Variants in CADM2 observed in about 807,000 individuals in gnomAD.
CADM2 encodes immunoglobulin superfamily member 4D.
In CADM2, 12 loss-of-function variants were observed where a neutral mutation model predicts 49.8. The observed-to-expected ratio is 0.24, with a 90% CI of 0.15 to 0.39. CADM2 has a LOEUF of 0.39. Ranked by LOEUF, CADM2 falls within the 10% of genes least tolerant of loss-of-function variation. The pLI is 1.00. For synonymous variants in CADM2, 214 were observed against 175.4 expected, an observed-to-expected ratio of 1.22 and a Z score of -1.74; for missense variants, 378 against 492.3, an observed-to-expected ratio of 0.77 and a Z score of 2.20.
intron 8 of CADM2, among the ~76,000 whole-genome samples, chr3:86,034,266 C>CT (rs1734902217): frequency 1.3e-5 from 2 of 151,770 alleles, no homozygotes; most frequent in Admixed American, 1.3e-4. Context: ...ATTTTGTGTT[C>CT]CCATAAAAAT....
At chr3:85,679,574 A>G (rs1285682594) in intron 1 of CADM2, among the ~76,000 whole-genome samples, 6 of 152,180 alleles carry the variant, frequency 3.9e-5, no homozygotes, top group Non-Finnish European at 7.3e-5. Flanking sequence ...ATTTTTCCTA[A>G]GAATCCAATT....
intron 1 of CADM2, among the ~76,000 whole-genome samples, chr3:85,562,103 G>A (rs1248222306): frequency 6.6e-6 from 1 of 152,096 alleles, no homozygotes; most frequent in Non-Finnish European, 1.5e-5. Context: ...CTAAGCACAG[G>A]ATGGGTTTTT....
chr3:85,185,528 T>C lies in CADM2; in HGVS notation c.61+225860T>C, dbSNP rs113963821. 2.0e-3 allele frequency among the ~76,000 whole-genome samples: 305 copies of C among 152,278 alleles called. 1 individual carries two copies. The highest frequency in any genetic ancestry group is 7.0e-3 in the African/African-American group (291 of 41,560). On this transcript the variant is annotated intron_variant, in intron 1 of 9. Transcript: ENST00000383699. ...GTCCACATTATTTATCATAGTATGATATATAAGCTTATTCATAGTAGTAAG... is the reference window on the plus strand; with the variant it reads ...GTCCACATTATTTATCATAGTATGACATATAAGCTTATTCATAGTAGTAAG...
chr3:85,666,322 T>C (rs2065566516), intron 1 of CADM2, among the ~76,000 whole-genome samples: 1 of 151,938 alleles, frequency 6.6e-6, no homozygotes, highest in South Asian at 2.1e-4. Context: ...TTGCAGCCTT[T>C]GTTATTCCAC....
At position 85,056,145 on chromosome 3, in the gene CADM2, C is replaced by T. The variant is rs190798877; in HGVS notation, c.61+96477C>T. Among the ~76,000 whole-genome samples the T allele has an allele frequency of 3.3e-5, 5 of 152,134 alleles. No homozygotes were observed. In the East Asian group the frequency reaches 9.7e-4, roughly 29 times the overall value. ...TAAGTGATAGTTCTTTGGTGTATATCTAGCACTTTCTCTTCTTAGTATCCA... is the reference window on the plus strand; with the variant it reads ...TAAGTGATAGTTCTTTGGTGTATATTTAGCACTTTCTCTTCTTAGTATCCA... On this transcript the variant is annotated intron_variant, in intron 1 of 9. Transcript: ENST00000383699.
intron 2 of CADM2, among the ~76,000 whole-genome samples, chr3:85,792,812 C>A (rs947632999): frequency 2.7e-4 from 41 of 152,320 alleles, no homozygotes; most frequent in African/African-American, 9.4e-4. Context: ...TAGTCTCTTT[C>A]AACAATACTT....
intron 1 of CADM2, among the ~76,000 whole-genome samples, chr3:85,207,818 G>A (rs1421152741): frequency 6.6e-6 from 1 of 152,134 alleles, no homozygotes; most frequent in East Asian, 1.9e-4. Flanking sequence ...AGGTCAGCTT[G>A]ACAGGTTGAT....
At chr3:85,138,502 A>G (rs2039484474) in intron 1 of CADM2, among the ~76,000 whole-genome samples, 1 of 152,226 alleles carries the variant, frequency 6.6e-6, no homozygotes, top group Non-Finnish European at 1.5e-5. Flanking sequence ...AAAGTAAAAT[A>G]CAATTTTAAT....
chr3:85,304,585 A>G (rs1268260061), intron 1 of CADM2, among the ~76,000 whole-genome samples: 1 of 151,956 alleles, frequency 6.6e-6, no homozygotes, highest in East Asian at 1.9e-4. Flanking sequence ...TTCCACAGGA[A>G]AAGGACGGAA....
At chr3:85,769,307 T>C (rs189718963) in intron 2 of CADM2, among the ~76,000 whole-genome samples, 2,745 of 105,260 alleles carry the variant, frequency 0.026, 236 homozygotes, top group African/African-American at 0.1. Context: ...TACACGTATA[T>C]ACATATATAC....
chr3:85,060,169 C>T (rs558504002), intron 1 of CADM2, among the ~76,000 whole-genome samples: 2 of 152,094 alleles, frequency 1.3e-5, no homozygotes, highest in South Asian at 2.1e-4. Flanking sequence ...CCCTCTCTGT[C>T]GCCCAGGCTG....
At chr3:85,642,399 A>G (rs1329680363) in intron 1 of CADM2, among the ~76,000 whole-genome samples, 1 of 152,202 alleles carries the variant, frequency 6.6e-6, no homozygotes, top group Non-Finnish European at 1.5e-5. Flanking sequence ...TTATGGAGAA[A>G]ATAATACAAT....
At chr3:85,834,014 T>C (rs1171958794) in intron 3 of CADM2, among the ~76,000 whole-genome samples, 1 of 151,692 alleles carries the variant, frequency 6.6e-6, no homozygotes, top group Non-Finnish European at 1.5e-5. Flanking sequence ...TTTCATTTAT[T>C]TGTTGTCATT....
intron 8 of CADM2, among the ~76,000 whole-genome samples, chr3:86,024,411 G>A (rs1326327095): frequency 2.0e-5 from 3 of 152,296 alleles, no homozygotes; most frequent in Middle Eastern, 6.8e-3. Context: ...TTCAAAGCGA[G>A]CAGTAAATAA....
chr3:85,740,678 A>G (rs1037968126), intron 2 of CADM2, among the ~76,000 whole-genome samples: 1 of 152,174 alleles, frequency 6.6e-6, no homozygotes, highest in Admixed American at 6.5e-5. Flanking sequence ...AAGAATTCAC[A>G]TTGATATTTA....
intron 1 of CADM2, among the ~76,000 whole-genome samples, chr3:85,343,413 G>A (rs1410685601): frequency 2.0e-5 from 3 of 152,114 alleles, no homozygotes; most frequent in African/African-American, 7.2e-5. Context: ...CCATTCTAGA[G>A]TCTCTTTGTA....
At chr3:85,040,522 GAA>G (rs575150297) in intron 1 of CADM2, among the ~76,000 whole-genome samples, 1 of 143,364 alleles carries the variant, frequency 7.0e-6, no homozygotes, top group South Asian at 2.2e-4. Flanking sequence ...TCTCTTGGGT[GAA>G]AAAAAAAAAG....
chr3:86,008,573 C>A (rs1731080672), intron 8 of CADM2, among the ~76,000 whole-genome samples: 1 of 151,982 alleles, frequency 6.6e-6, no homozygotes, highest in Non-Finnish European at 1.5e-5. Context: ...AATACGTAAT[C>A]TATGCAAACT....
chr3:85,853,613 G>A (rs1275384713), intron 3 of CADM2, among the ~76,000 whole-genome samples: 2 of 151,100 alleles, frequency 1.3e-5, no homozygotes, highest in African/African-American at 4.9e-5. Context: ...GAGAAAGTGA[G>A]CCACTTAGTG....
Sources: allele counts gnomAD v4.1 joint callset (sites outside exome capture counted in the v4.1 genomes callset), GRCh38; gene constraint gnomAD v4.1.1; transcripts MANE v1.5; gene names NCBI Gene and HGNC (gene_info 2026-07-23, HGNC 2026-07-21).